Variants in NALCN observed in about 807,000 individuals in gnomAD.
The protein encoded by NALCN is sodium leak channel, non-selective, also known as sodium leak channel NALCN.
A neutral mutation model predicts 225.3 loss-of-function variants in NALCN; 111 were observed. That is an observed-to-expected ratio of 0.49 (90% CI 0.42 to 0.58). NALCN has a LOEUF of 0.58. Ranked by LOEUF, NALCN falls within the 20% of genes least tolerant of loss-of-function variation. The pLI is 0.00. For synonymous variants in NALCN, 764 were observed against 769.0 expected (o/e 0.99, Z 0.11); for missense variants, 1,378 against 2,202.4 (o/e 0.63, Z 7.49).
At chr13:101,272,124 T>G (rs1041238314) in intron 10 of NALCN, among the ~76,000 whole-genome samples, 10 of 151,600 alleles carry the variant, frequency 6.6e-5, no homozygotes, top group Non-Finnish European at 1.5e-4. Flanking sequence ...TCACTGTGTG[T>G]GTTTGAGGTG....
chr13:101,257,552 T>A (rs1008975876), intron 11 of NALCN, among the ~76,000 whole-genome samples: 2 of 152,166 alleles, frequency 1.3e-5, no homozygotes, highest in African/African-American at 4.8e-5. Context: ...TGATTTTTTT[T>A]ATGTGAAAAA....
chr13:101,112,573 C>A (rs2035500507), intron 18 of NALCN, among the ~76,000 whole-genome samples: 1 of 152,166 alleles, frequency 6.6e-6, no homozygotes, highest in Non-Finnish European at 1.5e-5. Context: ...ATCTTTGGGC[C>A]TAACTTCCTC....
chr13:101,257,184 T>C (rs1002513568), intron 11 of NALCN, among the ~76,000 whole-genome samples: 7 of 150,106 alleles, frequency 4.7e-5, no homozygotes, highest in African/African-American at 1.7e-4. Context: ...TAGTTCTCCA[T>C]AGCACAAAAC....
intron 10 of NALCN, among the ~76,000 whole-genome samples, chr13:101,259,166 GAA>G (rs2042335162): frequency 6.6e-6 from 1 of 151,962 alleles, no homozygotes; most frequent in African/African-American, 2.4e-5. Context: ...ACAGCCCTAG[GAA>G]CCTATTCTAA....
chr13:101,175,207 G>A (rs796657226), intron 15 of NALCN, among the ~76,000 whole-genome samples: 13 of 151,762 alleles, frequency 8.6e-5, no homozygotes, highest in African/African-American at 2.9e-4. Context: ...ACCTTTCTTG[G>A]TATGCTCCAA....
chr13:101,165,962 TA>T (rs1431266759), intron 15 of NALCN, among the ~76,000 whole-genome samples: 1 of 152,250 alleles, frequency 6.6e-6, no homozygotes, highest in Admixed American at 6.5e-5. Flanking sequence ...TGAATTTGAC[TA>T]CTTTAGATAA....
intron 35 of NALCN, 77 bp from the exon 36 acceptor site, chr13:101,074,739 AG>A: frequency 5.4e-6 from 8 of 1,469,418 alleles, no homozygotes; most frequent in South Asian, 1.4e-5. Flanking sequence ...AGAGAGAGAG[AG>A]AGAATATTCA....
intron 1 of NALCN, among the ~76,000 whole-genome samples, chr13:101,405,197 G>A (rs964450791): frequency 6.6e-5 from 10 of 152,126 alleles, no homozygotes; most frequent in Non-Finnish European, 1.5e-4. Flanking sequence ...AAAACTTGAC[G>A]ACAAAAGGCG....
At chr13:101,106,399 A>G (rs1045290015) in intron 22 of NALCN, among the ~76,000 whole-genome samples, 10 of 152,202 alleles carry the variant, frequency 6.6e-5, no homozygotes, top group African/African-American at 2.4e-4. Flanking sequence ...AATAACAAAG[A>G]AATCAATTTA....
At chr13:101,154,701 C>T (rs79488168) in intron 15 of NALCN, among the ~76,000 whole-genome samples, 1 of 152,192 alleles carries the variant, frequency 6.6e-6, no homozygotes. Flanking sequence ...GAAGGCAACA[C>T]TAACGGAGTC....
At chr13:101,237,167 C>T (rs1425119941) in intron 12 of NALCN, among the ~76,000 whole-genome samples, 4 of 151,398 alleles carry the variant, frequency 2.6e-5, no homozygotes, top group African/African-American at 9.7e-5. Flanking sequence ...CAATGTGATC[C>T]AATATATCAC....
intron 13 of NALCN, among the ~76,000 whole-genome samples, chr13:101,196,021 G>A (rs58647526): frequency 0.01 from 1,545 of 152,052 alleles, 25 homozygotes; most frequent in African/African-American, 0.036. Context: ...GCTCACTCTT[G>A]GGCCAGGTAA....
At chr13:101,246,472 T>C (rs536977310) in intron 11 of NALCN, among the ~76,000 whole-genome samples, 2 of 152,334 alleles carry the variant, frequency 1.3e-5, no homozygotes, top group South Asian at 4.1e-4. Context: ...TGATTACTGA[T>C]TACCTGTATC....
At chr13:101,396,726 G>T (rs577747806) in intron 2 of NALCN, among the ~76,000 whole-genome samples, 1 of 152,132 alleles carries the variant, frequency 6.6e-6, no homozygotes, top group South Asian at 2.1e-4. Flanking sequence ...TCAACATAAA[G>T]AATCTAATTA....
chr13:101,378,631 T>TA lies in NALCN; in HGVS notation c.313_314insT (p.Asp105ValfsTer7). ...AAATCCATCAAAAACACACCAGCGA[T>TA]CTTTCACATAGGAACTATCCCCCTA... On this transcript the variant is annotated frameshift_variant, in exon 4 of 44. Transcript: ENST00000251127. LOFTEE classifies it high-confidence loss of function. 6.2e-7 allele frequency: 1 copy of TA among 1,610,682 alleles called. No homozygotes were observed. The highest frequency in any genetic ancestry group is 8.5e-7 in the Non-Finnish European group (1 of 1,178,058).
At chr13:101,078,395 C>A (rs572028781) in intron 34 of NALCN, among the ~76,000 whole-genome samples, 1 of 152,332 alleles carries the variant, frequency 6.6e-6, no homozygotes, top group South Asian at 2.1e-4. Context: ...CTGTACCCTG[C>A]AAAGCCACAA....
At chr13:101,264,110 A>G (rs931960119) in intron 10 of NALCN, among the ~76,000 whole-genome samples, 1 of 152,202 alleles carries the variant, frequency 6.6e-6, no homozygotes, top group Admixed American at 6.5e-5. Context: ...GCATTATTTA[A>G]TATGGATGCA....
At chr13:101,083,901 G>C in intron 30 of NALCN, 97 bp from the exon 31 acceptor site, 1 of 1,041,654 alleles carries the variant, frequency 9.6e-7, no homozygotes. Context: ...ACTGATGTGA[G>C]GGCTTGCACT....
intron 17 of NALCN, chr13:101,142,675 C>T (rs527858583): frequency 5.1e-5 from 9 of 176,702 alleles, no homozygotes; most frequent in South Asian, 3.8e-4. Flanking sequence ...GCAATTCTTT[C>T]GACCGATTTT....
Sources: gnomAD v4.1 joint callset for allele counts (sites outside exome capture counted in the v4.1 genomes callset) on GRCh38, gnomAD v4.1.1 for gene constraint, MANE v1.5 for transcripts, NCBI Gene and HGNC (gene_info 2026-07-23, HGNC 2026-07-21) for gene names.